Variants in BLTP2 observed in about 807,000 individuals in gnomAD.
BLTP2 encodes bridge-like lipid transfer protein family member 2.
the BLTP2 span, among the ~76,000 whole-genome samples, chr17:28,636,292 T>C: frequency 1.3e-5 from 2 of 152,130 alleles, no homozygotes; most frequent in African/African-American, 4.8e-5. Flanking sequence ...CCCACCCTCC[T>C]CCTAAGAGGG....
At chr17:28,628,933 CAAA>C in the BLTP2 span, among the ~76,000 whole-genome samples, 1 of 116,976 alleles carries the variant, frequency 8.5e-6, no homozygotes, top group Non-Finnish European at 1.8e-5. Context: ...GACGCAGTCT[CAAA>C]AAAAAAAAAA....
At chr17:28,645,028 A>G in the BLTP2 span, 2 of 1,601,582 alleles carry the variant, frequency 1.2e-6, no homozygotes, top group South Asian at 2.2e-5. Context: ...TAGCAGCAAG[A>G]CCAACAGCGC....
chr17:28,615,838 G>A, the BLTP2 span: 1 of 1,609,138 alleles, frequency 6.2e-7, no homozygotes. Flanking sequence ...AAAGAGGGGT[G>A]GGGAATACAT....
chr17:28,618,985 G>T, the BLTP2 span: 83 of 1,608,500 alleles, frequency 5.2e-5, no homozygotes, highest in African/African-American at 9.1e-4. Flanking sequence ...TAAGTGGACA[G>T]GGGAGCCAAA....
the BLTP2 span, chr17:28,633,625 T>C: frequency 2.3e-5 from 37 of 1,613,920 alleles, no homozygotes; most frequent in Non-Finnish European, 3.1e-5. Flanking sequence ...ACGGCTCTTG[T>C]CCCACCAGGG....
At chr17:28,642,258 G>C in the BLTP2 span, 1 of 1,613,318 alleles carries the variant, frequency 6.2e-7, no homozygotes, top group African/African-American at 1.3e-5. Context: ...GCATCTGAAT[G>C]ATCATGGCAT....
At chr17:28,634,596 G>A in the BLTP2 span, 22 of 1,614,192 alleles carry the variant, frequency 1.4e-5, 1 homozygote, top group South Asian at 2.4e-4. Flanking sequence ...GAAAAGGGCT[G>A]CCTGGATCAA....
the BLTP2 span, chr17:28,643,189 G>A: frequency 1.9e-6 from 3 of 1,614,204 alleles, no homozygotes; most frequent in Admixed American, 3.3e-5. Flanking sequence ...CAATAAGGAT[G>A]GGCTGAAGGA....
chr17:28,633,744 T>C, the BLTP2 span: 1 of 1,613,348 alleles, frequency 6.2e-7, no homozygotes, highest in Admixed American at 1.7e-5. Flanking sequence ...TGTACTGGAA[T>C]ATTTCCGCTG....
the BLTP2 span, chr17:28,631,932 G>A: frequency 5.6e-6 from 9 of 1,613,550 alleles, no homozygotes; most frequent in Non-Finnish European, 6.8e-6. Context: ...GGCAACAAGA[G>A]AGCATAACAT....
chr17:28,633,531 T>C, the BLTP2 span: 2 of 1,612,810 alleles, frequency 1.2e-6, no homozygotes, highest in African/African-American at 2.7e-5. Flanking sequence ...AGGATAAAAG[T>C]ATCATGACAC....
At chr17:28,636,665 A>G in the BLTP2 span, among the ~76,000 whole-genome samples, 1 of 152,198 alleles carries the variant, frequency 6.6e-6, no homozygotes, top group Admixed American at 6.5e-5. Context: ...AAATTCCACA[A>G]AAAGTTAAAA....
chr17:28,631,658 T>C, the BLTP2 span: 1 of 1,613,990 alleles, frequency 6.2e-7, no homozygotes, highest in African/African-American at 1.3e-5. Flanking sequence ...CAATCAGAGA[T>C]AAGGCGCCGC....
chr17:28,627,145 G>C, the BLTP2 span, among the ~76,000 whole-genome samples: 14 of 152,192 alleles, frequency 9.2e-5, no homozygotes, highest in Admixed American at 7.9e-4. Flanking sequence ...GGTCACAGAA[G>C]TCTTCTGTGT....
the BLTP2 span, chr17:28,615,175 C>T: frequency 3.0e-5 from 49 of 1,614,118 alleles, no homozygotes; most frequent in South Asian, 1.2e-4. Flanking sequence ...TGTTCAGGTC[C>T]GATTTAGTTT....
chr17:28,640,160 C>T, the BLTP2 span: 144 of 924,598 alleles, frequency 1.6e-4, 1 homozygote, highest in Admixed American at 1.9e-3. Flanking sequence ...TTTGGGAGGC[C>T]GAGGCAGGGG....
chr17:28,624,404 A>G, the BLTP2 span: 1 of 1,607,620 alleles, frequency 6.2e-7, no homozygotes, highest in Non-Finnish European at 8.5e-7. Flanking sequence ...GCAGAGAAAT[A>G]GGAAGCAGGG....
chr17:28,618,208 C>T, the BLTP2 span, among the ~76,000 whole-genome samples: 1 of 152,020 alleles, frequency 6.6e-6, no homozygotes, highest in Admixed American at 6.5e-5. Context: ...GCTGGGATTA[C>T]AGGTGTGAGC....
At chr17:28,615,040 A>G in the BLTP2 span, 10 of 1,599,000 alleles carry the variant, frequency 6.3e-6, no homozygotes, top group South Asian at 1.1e-4. Context: ...CAGATCCTGT[A>G]CTGCAGCCAC....
Sources: gnomAD v4.1 joint callset for allele counts (sites outside exome capture counted in the v4.1 genomes callset) on GRCh38, gnomAD v4.1.1 for gene constraint, MANE v1.5 for transcripts, NCBI Gene and HGNC (gene_info 2026-07-23, HGNC 2026-07-21) for gene names.